Variants in NOS3 observed in about 807,000 individuals in gnomAD.
NOS3 encodes nitric oxide synthase 3, also known as NOS type III.
Under a neutral mutation model 144.9 loss-of-function variants are expected in NOS3, and 98 were observed. That is an observed-to-expected ratio of 0.68 (90% CI 0.57 to 0.80). The LOEUF (loss-of-function observed/expected upper bound fraction) is 0.80, where lower values mean the gene tolerates loss of function less well. NOS3 is among the 30% of genes least tolerant of loss of function. The pLI is 0.00. For missense variants in NOS3, 1,465 were observed against 1,656.4 expected (o/e 0.88, Z 2.01); for synonymous variants, 714 against 702.4 (o/e 1.02, Z -0.26).
chr7:151,003,518 A>C lies in NOS3; in HGVS notation c.1752+1214A>C. ...TCATTCTGACCTACCTTTTCAAGAA[A>C]AATAGCACCAGCAATTGACTTTTTT... is the stretch of plus-strand genomic sequence containing the variant. On this transcript the variant is annotated intron_variant, in intron 14 of 26. Coordinates refer to ENST00000297494, the MANE Select transcript of NOS3 (RefSeq NM_000603.5). The surrounding 1 kb of genome is among the most constrained non-coding windows in gnomAD (Gnocchi z 4.1). The C allele has an allele frequency of 7.9e-7, 1 of 1,262,236 alleles. No homozygotes were observed. The highest frequency in any genetic ancestry group is 1.5e-5 in the African/African-American group (1 of 64,604). The allele number at this position is 1,262,236 out of a possible 1,614,324, so 78.2% of individuals were successfully genotyped here.
Position 151,010,255 on chromosome 7 carries a change from AG to A in NOS3, c.2656del (p.Glu886AsnfsTer72). ...RLLSTLAEEPREQQELEALSQ... is the reference protein window; with the variant it reads ...RLLSTLAEEPXEQQELEALSQ... ...GCTCAGCACCTTGGCAGAAGAGCCCAGGGAACAGCAGGAGCTGGAGGCCCTC... is the reference window on the plus strand; with the variant it reads ...GCTCAGCACCTTGGCAGAAGAGCCCAGGAACAGCAGGAGCTGGAGGCCCTC... On this transcript the variant is annotated frameshift_variant, in exon 21 of 27. Transcript: ENST00000297494. LOFTEE classifies it high-confidence loss of function. 6.2e-7 allele frequency: 1 copy of A among 1,612,972 alleles called. No individual in the cohort carries two copies. Among genetic ancestry groups the A allele is most frequent in the Non-Finnish European group, 8.5e-7 (1 of 1,179,904 alleles).
At position 150,993,654 on chromosome 7, in the gene NOS3, T is replaced by G. The variant is rs1384073326; in HGVS notation, c.-51-99T>G. The G allele has an allele frequency of 4.1e-6, 3 of 732,656 alleles. No homozygotes were observed. Among genetic ancestry groups the G allele is most frequent in the Non-Finnish European group, 4.3e-6 (2 of 464,084 alleles). 45.4% of individuals were successfully genotyped at this position (732,656 alleles called of 1,614,324 possible). On this transcript the variant is annotated intron_variant, in intron 1 of 26. Transcript: ENST00000297494. The surrounding 1 kb of genome is among the most constrained non-coding windows in gnomAD (Gnocchi z 4.0). ...TTTAGAGCCTCCCAGCCGGGCTTGTTCCTGTCCCATTGTGTATGGGATAGG... is the reference window on the plus strand; with the variant it reads ...TTTAGAGCCTCCCAGCCGGGCTTGTGCCTGTCCCATTGTGTATGGGATAGG...
In NOS3 at chr7:151,009,295, C is replaced by G. The variant is rs753482; in HGVS notation, c.2324+28C>G. On this transcript the variant is annotated intron_variant, in intron 19 of 26. Coordinates refer to ENST00000297494, the MANE Select transcript of NOS3 (RefSeq NM_000603.5). ...GAGGACGACGGCTTTACCGCCCCCC[C>G]ACCCCTGTCCTGAACACCCTGACCC... The G allele has an allele frequency of 2.2e-5, 34 of 1,537,444 alleles. 1 individual carries two copies. In the African/African-American group the frequency reaches 4.4e-4, roughly 20 times the overall value.
Position 150,998,836 on chromosome 7 carries a change from C to G in NOS3, c.817-110C>G. 6.7e-7 allele frequency: 1 copy of G among 1,490,636 alleles called. No individual in the cohort carries two copies. The highest frequency in any genetic ancestry group is 9.1e-7 in the Non-Finnish European group (1 of 1,104,586). The allele number at this position is 1,490,636 out of a possible 1,614,324, so 92.3% of individuals were successfully genotyped here. A position where few individuals can be genotyped will look rare whatever the true frequency, so the allele number is the denominator to read the frequency against. ...AGGGGTGCCTGGGTGGTCACGGAGA[C>G]CCAGCCAATGAGGGACCCTGGAGAT... On this transcript the variant is annotated intron_variant, in intron 7 of 26. Coordinates refer to ENST00000297494, the MANE Select transcript of NOS3 (RefSeq NM_000603.5). This position sits in a 1 kb window ranked among gnomAD's most constrained non-coding sequence, Gnocchi z 5.0.
intron 19 of NOS3, 24 bp downstream of exon 19, chr7:151,009,291 C>T (rs2117131716): frequency 6.3e-7 from 1 of 1,593,288 alleles, no homozygotes; most frequent in South Asian, 1.1e-5. Flanking sequence ...CTTTACCGCC[C>T]CCCCACCCCT....
intron 17 of NOS3, 73 bp downstream of exon 17, chr7:151,007,349 T>C: frequency 6.9e-7 from 1 of 1,445,254 alleles, no homozygotes; most frequent in East Asian, 2.4e-5. Context: ...CTGCCCTGAT[T>C]CTGTTTGGTT....
rs370552047 is a variant in NOS3 at position 151,008,807 on chromosome 7, C to G, written c.2113-123C>G. 2.2e-5 allele frequency: 25 copies of G among 1,148,056 alleles called. No individual in the cohort carries two copies. In the East Asian group the frequency reaches 2.4e-4, roughly 11 times the overall value. 71.1% of individuals were successfully genotyped at this position (1,148,056 alleles called of 1,614,324 possible). A position where few individuals can be genotyped will look rare whatever the true frequency, so the allele number is the denominator to read the frequency against. On this transcript the variant is annotated intron_variant, in intron 17 of 26. Coordinates refer to ENST00000297494, the MANE Select transcript of NOS3 (RefSeq NM_000603.5). Reference sequence around the variant, plus strand: ...GGCGGAAAAGGTGCTGTCCTTGGCGCCGGCCTCAGCCACTGGGGCTGCCAA... The same window carrying G: ...GGCGGAAAAGGTGCTGTCCTTGGCGGCGGCCTCAGCCACTGGGGCTGCCAA...
At position 150,993,261 on chromosome 7, in the gene NOS3, C is replaced by T. The variant is rs1293722833; in HGVS notation, c.-51-492C>T. ...CCAAAAGGACTCAAGGGTGGGGATC[C>T]AGGAGTTCTTGTATGTATGGGGGGA... On this transcript the variant is annotated intron_variant, in intron 1 of 26. Coordinates refer to ENST00000297494, the MANE Select transcript of NOS3 (RefSeq NM_000603.5). The surrounding 1 kb of genome is among the most constrained non-coding windows in gnomAD (Gnocchi z 4.0). 2.0e-5 allele frequency among the ~76,000 whole-genome samples: 3 copies of T among 152,136 alleles called. No homozygotes were observed. Among genetic ancestry groups the T allele is most frequent in the Non-Finnish European group, 4.4e-5 (3 of 68,018 alleles).
In NOS3 at chr7:150,993,470, G is replaced by A. The variant is rs1015611586; in HGVS notation, c.-51-283G>A. Among the ~76,000 whole-genome samples, 3 of 152,142 alleles carry A rather than the reference G, an allele frequency of 2.0e-5. No homozygotes were observed. Among genetic ancestry groups the A allele is most frequent in the African/African-American group, 7.2e-5 (3 of 41,430 alleles). On this transcript the variant is annotated intron_variant, in intron 1 of 26. Coordinates refer to ENST00000297494, the MANE Select transcript of NOS3 (RefSeq NM_000603.5). The surrounding 1 kb of genome is among the most constrained non-coding windows in gnomAD (Gnocchi z 4.0). ...CACAGAAGGACCTTTATGACCCCCTGGTGGCTCTACCCTGCCACTCCCCAA... is the reference window on the plus strand; with the variant it reads ...CACAGAAGGACCTTTATGACCCCCTAGTGGCTCTACCCTGCCACTCCCCAA...
intron 1 of NOS3, among the ~76,000 whole-genome samples, chr7:150,991,825 G>A (rs1413501630): frequency 1.3e-5 from 2 of 152,110 alleles, no homozygotes; most frequent in Admixed American, 1.3e-4. Context: ...GTGAAACCCT[G>A]TCTCTAATAA....
rs1288222047 is a variant in NOS3 at position 151,003,867 on chromosome 7, T to C, written c.1752+1563T>C. The C allele has an allele frequency of 2.6e-5, 10 of 390,936 alleles. No individual in the cohort carries two copies. Among genetic ancestry groups the C allele is most frequent in the Non-Finnish European group, 5.2e-5 (10 of 191,664 alleles). 24.2% of individuals were successfully genotyped at this position (390,936 alleles called of 1,614,324 possible). ...TCCCCAGTTTGTTTACCCATTCTCT[T>C]GTTGGTGACACTTGGGCTGTTTCCA... On this transcript the variant is annotated intron_variant, in intron 14 of 26. Transcript: ENST00000297494. This position sits in a 1 kb window ranked among gnomAD's most constrained non-coding sequence, Gnocchi z 4.1.
Position 150,998,697 on chromosome 7 carries a change from A to G in NOS3, c.816+17A>G, listed in dbSNP as rs1437765399. ...ATCACCGAGGTGGGCACCGAGGGCC[A>G]CCCATGAGGGTGTCCCCAAGGTGGA... On this transcript the variant is annotated intron_variant, in intron 7 of 26. Transcript: ENST00000297494. This position sits in a 1 kb window ranked among gnomAD's most constrained non-coding sequence, Gnocchi z 5.0. 24 of 1,597,058 alleles carry G rather than the reference A, an allele frequency of 1.5e-5. No individual in the cohort carries two copies. The highest frequency in any genetic ancestry group is 2.0e-5 in the Non-Finnish European group (24 of 1,173,426).
intron 1 of NOS3, among the ~76,000 whole-genome samples, chr7:150,991,625 T>C (rs770988309): frequency 2.0e-5 from 3 of 151,302 alleles, no homozygotes; most frequent in Non-Finnish European, 4.4e-5. Context: ...TCTAGCAGAG[T>C]GTGGAGCCCA....
At position 151,009,574 on chromosome 7, in the gene NOS3, A is replaced by AGGGCAGCCCTGGTGAG. The variant is rs1428078872; in HGVS notation, c.2510_2512+13dup. ...CCCGTGGCAGTAGAGCAGCTGGAGA[A>AGGGCAGCCCTGGTGAG]GGGCAGCCCTGGTGAGGGGCAGCCT... is the stretch of plus-strand genomic sequence containing the variant. On this transcript the variant is annotated frameshift_variant, in exon 20 of 27. Coordinates refer to ENST00000297494, the MANE Select transcript of NOS3 (RefSeq NM_000603.5). LOFTEE classifies it high-confidence loss of function. The AGGGCAGCCCTGGTGAG allele has an allele frequency of 2.7e-5, 42 of 1,535,664 alleles. No individual in the cohort carries two copies. Among genetic ancestry groups the AGGGCAGCCCTGGTGAG allele is most frequent in the Non-Finnish European group, 3.2e-5 (37 of 1,140,554 alleles).
chr7:151,007,557 A>G (rs1460193107), intron 17 of NOS3, among the ~76,000 whole-genome samples: 7 of 152,160 alleles, frequency 4.6e-5, no homozygotes, highest in African/African-American at 1.7e-4. Context: ...GGGCCTCACA[A>G]GTGGGCGCAC....
intron 23 of NOS3, chr7:151,011,759 C>CA (rs1795309443): frequency 5.4e-6 from 2 of 368,820 alleles, no homozygotes; most frequent in Non-Finnish European, 1.1e-5. Flanking sequence ...CTCCTGACCT[C>CA]ACGATCCTCC....
intron 15 of NOS3, 21 bp from the exon 16 acceptor site, chr7:151,006,868 G>T (rs1036487032): frequency 1.3e-6 from 2 of 1,592,500 alleles, no homozygotes; most frequent in Non-Finnish European, 1.7e-6. Flanking sequence ...TGACAACCTT[G>T]TCTTTGTCCT....
intron 12 of NOS3, 28 bp from the exon 13 acceptor site, chr7:151,001,793 G>T: frequency 1.2e-6 from 2 of 1,613,256 alleles, no homozygotes; most frequent in Non-Finnish European, 1.7e-6. Context: ...GTGCACCCAG[G>T]ACACCCTCAC....
chr7:151,007,666 G>A (rs796442059), intron 17 of NOS3, among the ~76,000 whole-genome samples: 9 of 152,362 alleles, frequency 5.9e-5, no homozygotes, highest in African/African-American at 2.2e-4. Context: ...AGAGGCAAGG[G>A]CTGAAGCTGA....
Sources: gnomAD v4.1 joint callset for allele counts (sites outside exome capture counted in the v4.1 genomes callset) on GRCh38, gnomAD v4.1.1 for gene constraint, Gnocchi (gnomAD v3.1) non-coding constraint, MANE v1.5 for transcripts, NCBI Gene and HGNC (gene_info 2026-07-23, HGNC 2026-07-21) for gene names.